ZNF503: variants seen among roughly 807,000 people sequenced by gnomAD.
The protein encoded by ZNF503 is NocA-like zinc finger 2.
A neutral mutation model predicts 34.4 loss-of-function variants in ZNF503; 15 were observed. The ratio of observed to expected loss-of-function variants is 0.44; its 90% CI spans 0.29 to 0.67. The LOEUF is 0.67. Among genes scored for constraint, ZNF503 ranks in the 30% least tolerant of loss-of-function variants. ZNF503 has a pLI of 0.13. For missense variants in ZNF503, 1,007 were observed against 926.8 expected (o/e 1.09, Z -1.12); for synonymous variants, 580 against 456.8 (o/e 1.27, Z -3.44).
the ZNF503 span, among the ~76,000 whole-genome samples, chr10:75,379,259 T>C: frequency 6.6e-6 from 1 of 152,216 alleles, no homozygotes; most frequent in Non-Finnish European, 1.5e-5. Flanking sequence ...CCTATTACCA[T>C]ACATCCTGGG....
At chr10:75,349,769 C>T in the ZNF503 span, among the ~76,000 whole-genome samples, 30 of 152,306 alleles carry the variant, frequency 2.0e-4, 1 homozygote, top group African/African-American at 7.0e-4. Context: ...TGCAGAGTGC[C>T]AAGCTTATCC....
At chr10:75,283,419 TG>T in the ZNF503 span, 1 of 152,198 alleles carries the variant, frequency 6.6e-6, no homozygotes, top group Non-Finnish European at 1.5e-5. Context: ...GCAAGAGTGG[TG>T]GGGGAAGAGA....
chr10:75,358,550 G>A, the ZNF503 span: 1 of 152,048 alleles, frequency 6.6e-6, no homozygotes, highest in Non-Finnish European at 1.5e-5. Flanking sequence ...AAAATTCATT[G>A]TTTGGACCCA....
chr10:75,321,938 T>G, the ZNF503 span, among the ~76,000 whole-genome samples: 1 of 152,182 alleles, frequency 6.6e-6, no homozygotes, highest in African/African-American at 2.4e-5. Context: ...TAACAAGTAT[T>G]TTTCTTGTTG....
At chr10:75,288,009 G>A in the ZNF503 span, among the ~76,000 whole-genome samples, 12 of 152,292 alleles carry the variant, frequency 7.9e-5, no homozygotes, top group East Asian at 1.5e-3. Context: ...ACGGCTGAGC[G>A]AGGAAAACAT....
the ZNF503 span, among the ~76,000 whole-genome samples, chr10:75,382,202 G>C: frequency 6.6e-6 from 1 of 152,090 alleles, no homozygotes; most frequent in Non-Finnish European, 1.5e-5. Context: ...GTATGAGGGA[G>C]TCATACTTTT....
At chr10:75,291,569 C>T in the ZNF503 span, among the ~76,000 whole-genome samples, 1 of 152,138 alleles carries the variant, frequency 6.6e-6, no homozygotes, top group East Asian at 1.9e-4. Context: ...TGTGACTGCA[C>T]CACCACATTC....
chr10:75,317,291 T>TG, the ZNF503 span, among the ~76,000 whole-genome samples: 1 of 93,650 alleles, frequency 1.1e-5, no homozygotes, highest in Non-Finnish European at 2.3e-5. Context: ...TTTTTTTTTT[T>TG]TTTTGAGACG....
the ZNF503 span, among the ~76,000 whole-genome samples, chr10:75,343,601 C>A: frequency 6.6e-6 from 1 of 152,244 alleles, no homozygotes; most frequent in Non-Finnish European, 1.5e-5. Flanking sequence ...GGGGCCTCCC[C>A]TTTCTGCAGT....
chr10:75,352,353 A>G, the ZNF503 span, among the ~76,000 whole-genome samples: 2 of 117,310 alleles, frequency 1.7e-5, no homozygotes, highest in Non-Finnish European at 4.2e-5. Flanking sequence ...TGGCCTCTAG[A>G]GACCTGGTCT....
chr10:75,371,797 G>A, the ZNF503 span, among the ~76,000 whole-genome samples: 1 of 152,160 alleles, frequency 6.6e-6, no homozygotes. Context: ...CCCTTAGGCT[G>A]CTCCTGGGAG....
the ZNF503 span, among the ~76,000 whole-genome samples, chr10:75,333,069 T>G: frequency 7.2e-6 from 1 of 138,240 alleles, no homozygotes; most frequent in East Asian, 2.3e-4. Flanking sequence ...GAGGCGCCCC[T>G]CACCTCCCAG....
the ZNF503 span, among the ~76,000 whole-genome samples, chr10:75,296,951 G>C: frequency 5.3e-5 from 8 of 152,210 alleles, no homozygotes; most frequent in Non-Finnish European, 7.4e-5. Context: ...ATTCCTACGG[G>C]AGTCAGTTGC....
chr10:75,387,048 C>T, the ZNF503 span, among the ~76,000 whole-genome samples: 1 of 152,228 alleles, frequency 6.6e-6, no homozygotes, highest in Admixed American at 6.5e-5. Flanking sequence ...AGCAGGTGCT[C>T]AGTATGTGCT....
chr10:75,294,380 G>A, the ZNF503 span, among the ~76,000 whole-genome samples: 2 of 152,222 alleles, frequency 1.3e-5, no homozygotes, highest in Non-Finnish European at 2.9e-5. Context: ...AAAGAAGAGG[G>A]CGGACGGGGT....
At chr10:75,380,323 T>C in the ZNF503 span, among the ~76,000 whole-genome samples, 2 of 152,248 alleles carry the variant, frequency 1.3e-5, no homozygotes, top group African/African-American at 2.4e-5. Context: ...ATTATTCTCA[T>C]CCTATGTTAC....
the ZNF503 span, among the ~76,000 whole-genome samples, chr10:75,365,934 G>A: frequency 1.2e-3 from 179 of 152,328 alleles, no homozygotes; most frequent in Non-Finnish European, 2.2e-3. Context: ...GGGCAGGCAT[G>A]CGTGCCTCTC....
the ZNF503 span, among the ~76,000 whole-genome samples, chr10:75,329,438 T>TCCTTC: frequency 3.3e-5 from 3 of 89,666 alleles, no homozygotes; most frequent in African/African-American, 1.2e-4. Context: ...TTCCTTCCTT[T>TCCTTC]CTTTCTTTCT....
the ZNF503 span, among the ~76,000 whole-genome samples, chr10:75,282,852 A>C: frequency 6.6e-6 from 1 of 152,204 alleles, no homozygotes; most frequent in African/African-American, 2.4e-5. Context: ...AAGTGAGCTA[A>C]TCAATGGAAA....
Sources: allele counts gnomAD v4.1 joint callset (sites outside exome capture counted in the v4.1 genomes callset), GRCh38; gene constraint gnomAD v4.1.1; transcripts MANE v1.5; gene names NCBI Gene and HGNC (gene_info 2026-07-23, HGNC 2026-07-21).